Variants in KDM6A observed in about 807,000 individuals in gnomAD.
KDM6A encodes lysine-specific demethylase 6A.
A neutral mutation model predicts 117.6 loss-of-function variants in KDM6A; 11 were observed. That is an observed-to-expected ratio of 0.09 (90% CI 0.06 to 0.15). The LOEUF is 0.15. KDM6A is among the 10% of genes least tolerant of loss of function. The pLI, the probability that KDM6A is intolerant of heterozygous loss-of-function variation, is 1.00. For synonymous variants in KDM6A, 384 were observed against 396.1 expected (o/e 0.97, Z 0.36); for missense variants, 799 against 1,077.3 (o/e 0.74, Z 3.62).
chrX:44,901,943 C>T (rs1191221437), intron 2 of KDM6A, among the ~76,000 whole-genome samples: 2 of 112,338 alleles, frequency 1.8e-5, no homozygotes, highest in Non-Finnish European at 3.8e-5. Flanking sequence ...TAAAAAAATT[C>T]AGACTGGGTG....
At chrX:45,041,575 C>T (rs1276020298) in intron 8 of KDM6A, among the ~76,000 whole-genome samples, 15 of 110,100 alleles carry the variant, frequency 1.4e-4, no homozygotes, top group Non-Finnish European at 2.5e-4. Flanking sequence ...ACTTCTCAGA[C>T]GGGGCGGCTG....
At chrX:45,001,409 C>G (rs1182884433) in intron 4 of KDM6A, among the ~76,000 whole-genome samples, 2 of 111,639 alleles carry the variant, frequency 1.8e-5, no homozygotes. Context: ...GAATGTTGGA[C>G]TAACTACAGC....
In KDM6A at chrX:45,107,397, T is replaced by TC. The variant is rs766945391; in HGVS notation, c.4035-8dup. On this transcript the variant is annotated splice_polypyrimidine_tract_variant and intron_variant, in intron 27 of 29. Transcript: ENST00000611820. ...TCAGTTGCTGGTCACAAATAATTTC[T>TC]CCCCCACAATAGGTATTGTCTTCTA... The TC allele has an allele frequency of 8.3e-7, 1 of 1,203,983 alleles. No homozygotes were observed. Among genetic ancestry groups the TC allele is most frequent in the Non-Finnish European group, 1.1e-6 (1 of 888,780 alleles).
chrX:45,063,177 ATTT>A, intron 16 of KDM6A, among the ~76,000 whole-genome samples: 1 of 104,550 alleles, frequency 9.6e-6, no homozygotes, highest in South Asian at 4.0e-4. Context: ...TACTAATGGG[ATTT>A]TTTTTTTTTG....
intron 27 of KDM6A, among the ~76,000 whole-genome samples, chrX:45,105,813 C>T (rs2046508191): frequency 8.9e-6 from 1 of 112,233 alleles, no homozygotes; most frequent in Non-Finnish European, 1.9e-5. Context: ...AGCTGCACAG[C>T]AGGAGGTGAG....
In KDM6A at chrX:44,873,369, T is replaced by TGCCGCCGCCGCCGCC. The variant is rs762577042; in HGVS notation, c.-179_-165dup. The TGCCGCCGCCGCCGCC allele has an allele frequency of 1.8e-6, 1 of 569,255 alleles. No homozygotes were observed. Among genetic ancestry groups the TGCCGCCGCCGCCGCC allele is most frequent in the Middle Eastern group, 6.2e-4 (1 of 1,604 alleles). 46.9% of individuals were successfully genotyped at this position (569,255 alleles called of 1,213,427 possible). ...GCCGACCCGGGGGCTCCGCAGCCCC[T>TGCCGCCGCCGCCGCC]GCCGCCGCCGCCGCCGCCTTCACCG... is the stretch of plus-strand genomic sequence containing the variant. On this transcript the variant is annotated 5_prime_UTR_variant, in exon 1 of 30. Coordinates refer to ENST00000611820, the MANE Select transcript of KDM6A (RefSeq NM_001291415.2).
At chrX:44,935,828 A>T (rs1032434119) in intron 2 of KDM6A, among the ~76,000 whole-genome samples, 1 of 111,994 alleles carries the variant, frequency 8.9e-6, no homozygotes, top group African/African-American at 3.2e-5. Flanking sequence ...GCTTGGCATC[A>T]TATTGACATA....
Position 45,083,552 on chromosome X carries a change from T to C in KDM6A, c.3533T>C (p.Ile1178Thr). ...CTTCTAAGCCATGTTGGTCATACCA[T>C]ATTGGGCATGAACACAGTTCAACTA... ...GNLLSHVGHT[I>T]LGMNTVQLYM... Residue 1178 changes from isoleucine (I) to threonine (T), a missense_variant, in exon 24 of 30, where the codon ATA (isoleucine) becomes ACA (threonine). Physicochemically the swap from Ile to Thr is moderately conservative, Grantham distance 89 (BLOSUM62 -1). This residue lies in a region of KDM6A where 291 missense variants were observed against 437.9 expected (regional missense o/e 0.66). Coordinates refer to ENST00000611820, the MANE Select transcript of KDM6A (RefSeq NM_001291415.2). The C allele has an allele frequency of 8.3e-7, 1 of 1,207,566 alleles. No individual in the cohort carries two copies. Among genetic ancestry groups the C allele is most frequent in the Non-Finnish European group, 1.1e-6 (1 of 891,573 alleles).
chrX:45,020,754 A>G (rs780774302), intron 6 of KDM6A, 24 bp downstream of exon 6: 8 of 1,202,519 alleles, frequency 6.7e-6, no homozygotes, highest in Non-Finnish European at 1.1e-6. Flanking sequence ...TTTTTTCAAG[A>G]TACAATGTTT....
chrX:45,012,843 T>C (rs1470752419), intron 5 of KDM6A, among the ~76,000 whole-genome samples: 1 of 111,794 alleles, frequency 8.9e-6, no homozygotes, highest in Non-Finnish European at 1.9e-5. Flanking sequence ...ATATAGTGTA[T>C]TATAATGATT....
chrX:45,017,411 G>T (rs2042010512), intron 5 of KDM6A, among the ~76,000 whole-genome samples: 1 of 111,463 alleles, frequency 9.0e-6, no homozygotes, highest in Non-Finnish European at 1.9e-5. Flanking sequence ...TGTAGTCTGA[G>T]TGTTACCTAT....
chrX:44,878,034 AC>A (rs2031865780), intron 2 of KDM6A, among the ~76,000 whole-genome samples: 1 of 111,650 alleles, frequency 9.0e-6, no homozygotes, highest in Non-Finnish European at 1.9e-5. Context: ...TTGATTAAAA[AC>A]ATTCTCATTT....
At position 45,109,581 on chromosome X, in the gene KDM6A, T is replaced by C. The variant is rs1231420149; in HGVS notation, c.4162-498T>C. 7.2e-5 allele frequency among the ~76,000 whole-genome samples: 8 copies of C among 111,219 alleles called. No homozygotes were observed. The Admixed American group carries it at 7.7e-4, about 11-fold the overall frequency. On this transcript the variant is annotated intron_variant, in intron 28 of 29. Coordinates refer to ENST00000611820, the MANE Select transcript of KDM6A (RefSeq NM_001291415.2). ...AATCCATTGATTTTTTTTTTAAATG[T>C]CATATGGCCTGACCAAAGTGAGTCA... is the stretch of plus-strand genomic sequence containing the variant.
At chrX:44,898,201 A>C (rs2034048218) in intron 2 of KDM6A, among the ~76,000 whole-genome samples, 1 of 111,861 alleles carries the variant, frequency 8.9e-6, no homozygotes, top group Middle Eastern at 4.2e-3. Context: ...AGGGTGAAGA[A>C]AAAGCTCCTT....
rs1236636059 is a variant in KDM6A, at chrX:45,068,827, TCC to T, written c.2080-750_2080-749del. On this transcript the variant is annotated intron_variant, in intron 17 of 29. Coordinates refer to ENST00000611820, the MANE Select transcript of KDM6A (RefSeq NM_001291415.2). The stretch of plus-strand genomic sequence containing the variant: ...TTCTCTTTCTCTTTCTCTTTCTCTT[TCC>T]CTTTCCCTTTCCCTTTCCCTTTCCC... 3.9e-3 allele frequency among the ~76,000 whole-genome samples: 389 copies of T among 99,007 alleles called. 3 individuals carry two copies. The highest frequency in any genetic ancestry group is 0.032 in the East Asian group (108 of 3,375). The allele number at this position is 99,007 out of a possible 115,157, so 86.0% of individuals were successfully genotyped here. A position where few individuals can be genotyped will look rare whatever the true frequency, so the allele number is the denominator to read the frequency against.
At chrX:45,029,927 A>G (rs1430604251) in intron 6 of KDM6A, among the ~76,000 whole-genome samples, 2 of 111,524 alleles carry the variant, frequency 1.8e-5, no homozygotes, top group East Asian at 5.6e-4. Flanking sequence ...AGCTACAGGA[A>G]GAAAGATGAG....
chrX:44,966,142 T>A (rs991622657), intron 3 of KDM6A, among the ~76,000 whole-genome samples: 16 of 109,699 alleles, frequency 1.5e-4, no homozygotes, highest in African/African-American at 5.0e-4. Flanking sequence ...ATATATTTTT[T>A]TTTTAATTTT....
intron 2 of KDM6A, among the ~76,000 whole-genome samples, chrX:44,945,001 C>T (rs899875350): frequency 9.0e-6 from 1 of 111,434 alleles, no homozygotes; most frequent in Non-Finnish European, 1.9e-5. Flanking sequence ...TGTAGGTCTT[C>T]TGGTGATGAA....
intron 7 of KDM6A, among the ~76,000 whole-genome samples, chrX:45,037,133 G>A (rs1269911390): frequency 1.8e-5 from 2 of 112,501 alleles, no homozygotes; most frequent in Non-Finnish European, 1.9e-5. Flanking sequence ...CTTTGAGCCA[G>A]TATTACTCTT....
Sources: allele counts gnomAD v4.1 joint callset (sites outside exome capture counted in the v4.1 genomes callset), GRCh38; gene constraint gnomAD v4.1.1; regional missense constraint gnomAD v4.1.1; transcripts MANE v1.5; gene names NCBI Gene and HGNC (gene_info 2026-07-23, HGNC 2026-07-21).